Variants in ASIC2 observed in about 807,000 individuals in gnomAD.
The protein encoded by ASIC2 is acid sensing ion channel subunit 2.
A neutral mutation model predicts 57.3 loss-of-function variants in ASIC2; 25 were observed. The ratio of observed to expected loss-of-function variants is 0.44; its 90% CI spans 0.32 to 0.61. The LOEUF (loss-of-function observed/expected upper bound fraction) is 0.61. Among genes scored for constraint, ASIC2 ranks in the 20% least tolerant of loss-of-function variants. The pLI, the probability that ASIC2 is intolerant of heterozygous loss-of-function variation, is 0.06. For synonymous variants in ASIC2, 319 were observed against 307.5 expected, an observed-to-expected ratio of 1.04 and a Z score of -0.39; for missense variants, 641 against 738.1, an observed-to-expected ratio of 0.87 and a Z score of 1.52.
chr17:33,832,615 A>T (rs571907784), intron 1 of ASIC2, among the ~76,000 whole-genome samples: 2 of 152,208 alleles, frequency 1.3e-5, no homozygotes, highest in South Asian at 4.1e-4. Flanking sequence ...AAAGCTCCAA[A>T]TCTTTAGCAA....
chr17:33,196,724 G>A (rs1906644514), intron 1 of ASIC2, among the ~76,000 whole-genome samples: 1 of 152,206 alleles, frequency 6.6e-6, no homozygotes, highest in East Asian at 1.9e-4. Context: ...AGACAGAGAG[G>A]AACTGTGGAA....
At chr17:33,974,507 G>A in intron 1 of ASIC2, among the ~76,000 whole-genome samples, 1 of 152,062 alleles carries the variant, frequency 6.6e-6, no homozygotes, top group Admixed American at 6.5e-5. Context: ...AAGGTATGCT[G>A]CCCGGCAGGT....
At chr17:33,016,124 G>T in intron 8 of ASIC2, 85 bp from the exon 9 acceptor site, 1 of 1,324,604 alleles carries the variant, frequency 7.5e-7, no homozygotes, top group Non-Finnish European at 1.1e-6. Flanking sequence ...GCCCCACTGG[G>T]GTGGCAGCTG....
intron 1 of ASIC2, among the ~76,000 whole-genome samples, chr17:33,257,045 T>C (rs1909107954): frequency 6.6e-6 from 1 of 152,198 alleles, no homozygotes; most frequent in Non-Finnish European, 1.5e-5. Context: ...CTGGGTCTAA[T>C]GTATCCCACA....
intron 1 of ASIC2, among the ~76,000 whole-genome samples, chr17:33,503,604 A>G (rs1914164513): frequency 6.6e-6 from 1 of 152,072 alleles, no homozygotes; most frequent in Non-Finnish European, 1.5e-5. Flanking sequence ...GAGGCTCTAC[A>G]TCTTACCTTC....
intron 1 of ASIC2, among the ~76,000 whole-genome samples, chr17:33,538,594 A>G (rs960595268): frequency 1.3e-5 from 2 of 152,226 alleles, no homozygotes; most frequent in Non-Finnish European, 2.9e-5. Context: ...AGCACTGTCT[A>G]TTCCACCTTC....
chr17:33,200,657 C>G (rs1178967358), intron 1 of ASIC2, among the ~76,000 whole-genome samples: 1 of 152,160 alleles, frequency 6.6e-6, no homozygotes, highest in Non-Finnish European at 1.5e-5. Context: ...GAATATGGCC[C>G]CTTCTTATCA....
At chr17:34,067,850 T>C (rs1909228879) in intron 1 of ASIC2, among the ~76,000 whole-genome samples, 1 of 152,212 alleles carries the variant, frequency 6.6e-6, no homozygotes. Flanking sequence ...GAATCTGTAA[T>C]ATACAATATG....
chr17:33,121,512 G>A (rs949943503), intron 1 of ASIC2, among the ~76,000 whole-genome samples: 10 of 152,276 alleles, frequency 6.6e-5, no homozygotes, highest in African/African-American at 2.2e-4. Context: ...TATTTAGCAG[G>A]TTGAGACAGA....
At chr17:33,473,821 T>C (rs1035752864) in intron 1 of ASIC2, among the ~76,000 whole-genome samples, 2 of 151,918 alleles carry the variant, frequency 1.3e-5, no homozygotes, top group African/African-American at 4.8e-5. Flanking sequence ...TGAAACCACC[T>C]TTTTCTTTGC....
intron 1 of ASIC2, among the ~76,000 whole-genome samples, chr17:33,899,905 T>C (rs996742996): frequency 6.6e-6 from 1 of 152,212 alleles, no homozygotes; most frequent in Non-Finnish European, 1.5e-5. Context: ...AGCTGTGAAG[T>C]GCACAACCTC....
intron 1 of ASIC2, chr17:33,530,159 A>C (rs1475196319): frequency 1.3e-5 from 2 of 152,192 alleles, no homozygotes; most frequent in South Asian, 2.1e-4. Context: ...CTTGTGTAAG[A>C]ACGAGGCTCT....
chr17:33,188,312 TC>T (rs1329661050), intron 1 of ASIC2, among the ~76,000 whole-genome samples: 1 of 152,084 alleles, frequency 6.6e-6, no homozygotes, highest in Non-Finnish European at 1.5e-5. Flanking sequence ...TAATGGAGTA[TC>T]TGTGAGCTGT....
At chr17:33,980,805 A>T (rs895600847) in intron 1 of ASIC2, 1 of 152,222 alleles carries the variant, frequency 6.6e-6, no homozygotes, top group Non-Finnish European at 1.5e-5. Flanking sequence ...CCCTTTCCCC[A>T]GTCTGGAACA....
At chr17:33,056,686 C>T (rs1006624885) in intron 3 of ASIC2, among the ~76,000 whole-genome samples, 1 of 152,164 alleles carries the variant, frequency 6.6e-6, no homozygotes, top group African/African-American at 2.4e-5. Context: ...TCTGGGATTG[C>T]TCTTAGAAAG....
chr17:33,584,779 G>A (rs576461075), intron 1 of ASIC2, among the ~76,000 whole-genome samples: 25 of 152,210 alleles, frequency 1.6e-4, no homozygotes, highest in South Asian at 1.0e-3. Flanking sequence ...GAGACAGTTC[G>A]TAGGAGAAGG....
chr17:33,249,626 C>T (rs908914404), intron 1 of ASIC2, among the ~76,000 whole-genome samples: 2 of 152,156 alleles, frequency 1.3e-5, no homozygotes, highest in African/African-American at 4.8e-5. Context: ...GGCCTTCACG[C>T]CAAGACCGAA....
chr17:33,340,675 G>A (rs1907686288), intron 1 of ASIC2, among the ~76,000 whole-genome samples: 1 of 152,080 alleles, frequency 6.6e-6, no homozygotes, highest in Non-Finnish European at 1.5e-5. Flanking sequence ...AGGGAGGGAG[G>A]TGCTTATAAT....
intron 1 of ASIC2, among the ~76,000 whole-genome samples, chr17:33,309,261 A>T (rs1906307913): frequency 6.6e-6 from 1 of 152,130 alleles, no homozygotes; most frequent in Non-Finnish European, 1.5e-5. Context: ...CTGCAGACAC[A>T]CATCTCTTTT....
Sources: gnomAD v4.1 joint callset for allele counts (sites outside exome capture counted in the v4.1 genomes callset) on GRCh38, gnomAD v4.1.1 for gene constraint, MANE v1.5 for transcripts, NCBI Gene and HGNC (gene_info 2026-07-23, HGNC 2026-07-21) for gene names.